EFCAB13: variants seen among roughly 807,000 people sequenced by gnomAD.
The protein encoded by EFCAB13 is EF-hand calcium binding domain 13, also known as EF-hand calcium-binding domain-containing protein 13.
Under a neutral mutation model 110.2 loss-of-function variants are expected in EFCAB13, and 91 were observed. The ratio of observed to expected loss-of-function variants is 0.83; its 90% CI spans 0.70 to 0.98. The LOEUF is 0.98. Among genes scored for constraint, EFCAB13 ranks in the 50% least tolerant of loss-of-function variants. The pLI is 0.00. For synonymous variants in EFCAB13, 323 were observed against 369.9 expected, an observed-to-expected ratio of 0.87 and a Z score of 1.45; for missense variants, 968 against 1,119.4, an observed-to-expected ratio of 0.86 and a Z score of 1.93.
At chr17:47,367,486 A>T (rs1440145915) in intron 10 of EFCAB13, among the ~76,000 whole-genome samples, 1 of 152,162 alleles carries the variant, frequency 6.6e-6, no homozygotes, top group Non-Finnish European at 1.5e-5. Flanking sequence ...TTTGGAGGGG[A>T]CGTAGGACGC....
chr17:47,378,730 T>A (rs1389380666), intron 13 of EFCAB13, among the ~76,000 whole-genome samples: 1 of 152,134 alleles, frequency 6.6e-6, no homozygotes, highest in Non-Finnish European at 1.5e-5. Context: ...GAGATAGAGA[T>A]GGGAATCCTT....
At position 47,347,033 on chromosome 17, in the gene EFCAB13, A is replaced by G. The variant is rs549464979; in HGVS notation, c.518-775A>G. On this transcript the variant is annotated intron_variant, in intron 8 of 24. Transcript: ENST00000331493. ...CAGCACTGCGGAAGGCCAATGTGGG[A>G]GGATCATTTGAGACTAGGAGTTCAA... 1.1e-4 allele frequency among the ~76,000 whole-genome samples: 17 copies of G among 152,300 alleles called. No individual in the cohort carries two copies. The East Asian group carries it at 3.3e-3, about 29-fold the overall frequency.
intron 14 of EFCAB13, among the ~76,000 whole-genome samples, chr17:47,387,005 A>G (rs1200124273): frequency 6.6e-6 from 1 of 152,078 alleles, no homozygotes; most frequent in Non-Finnish European, 1.5e-5. Context: ...TGAGCAGGGT[A>G]CGTCAGTTGG....
At chr17:47,364,077 A>C (rs2065531956) in intron 10 of EFCAB13, among the ~76,000 whole-genome samples, 2 of 151,954 alleles carry the variant, frequency 1.3e-5, no homozygotes, top group Non-Finnish European at 2.9e-5. Flanking sequence ...TTATTTGGGG[A>C]GGTATATTGG....
intron 23 of EFCAB13, among the ~76,000 whole-genome samples, chr17:47,422,502 TTATTA>T (rs767035618): frequency 1.9e-4 from 29 of 152,306 alleles, no homozygotes; most frequent in East Asian, 7.7e-4. Flanking sequence ...TATACACTGG[TTATTA>T]TATTATTTTA....
At chr17:47,378,001 A>C in intron 13 of EFCAB13, 98 bp downstream of exon 13, 1 of 1,066,760 alleles carries the variant, frequency 9.4e-7, no homozygotes, top group Non-Finnish European at 1.3e-6. Context: ...GAAATTAGGA[A>C]TGGGACAGAA....
chr17:47,413,078 T>C (rs549576038), intron 22 of EFCAB13, among the ~76,000 whole-genome samples, 162 bp downstream of exon 22: 12 of 152,210 alleles, frequency 7.9e-5, no homozygotes, highest in Non-Finnish European at 1.5e-4. Context: ...AATTTAAATA[T>C]TTATTGAACA....
chr17:47,375,705 C>CAATT (rs1598739941), intron 12 of EFCAB13, among the ~76,000 whole-genome samples: 1 of 152,158 alleles, frequency 6.6e-6, no homozygotes, highest in East Asian at 1.9e-4. Context: ...GAAACTTATT[C>CAATT]AGTGATTAAT....
intron 17 of EFCAB13, among the ~76,000 whole-genome samples, chr17:47,397,358 G>C (rs1369348880): frequency 6.6e-6 from 1 of 151,962 alleles, no homozygotes; most frequent in Non-Finnish European, 1.5e-5. Context: ...ATCTCGGCTC[G>C]CTACAACCTC....
chr17:47,427,875 T>A (rs1012409165), intron 23 of EFCAB13, among the ~76,000 whole-genome samples: 3 of 152,000 alleles, frequency 2.0e-5, no homozygotes, highest in Admixed American at 1.3e-4. Flanking sequence ...AGACAAAAAA[T>A]TTTTGTACGG....
At chr17:47,332,699 A>G (rs1046087457) in intron 4 of EFCAB13, among the ~76,000 whole-genome samples, 1 of 152,182 alleles carries the variant, frequency 6.6e-6, no homozygotes, top group Non-Finnish European at 1.5e-5. Context: ...TATTTTACTT[A>G]GCATAGTGTC....
chr17:47,379,559 GT>G (rs754100093), intron 14 of EFCAB13, among the ~76,000 whole-genome samples: 1 of 108,684 alleles, frequency 9.2e-6, no homozygotes, highest in Non-Finnish European at 2.1e-5. Context: ...GGGTGATATG[GT>G]TTGTTTTTTT....
intron 17 of EFCAB13, among the ~76,000 whole-genome samples, chr17:47,398,861 A>G (rs2065763420): frequency 6.6e-6 from 1 of 152,182 alleles, no homozygotes; most frequent in African/African-American, 2.4e-5. Flanking sequence ...AAATAAATAA[A>G]TAAATAAATA....
chr17:47,433,548 T>C (rs1905158716), intron 24 of EFCAB13, among the ~76,000 whole-genome samples: 1 of 152,186 alleles, frequency 6.6e-6, no homozygotes, highest in Non-Finnish European at 1.5e-5. Flanking sequence ...TGTGCAAGTA[T>C]TCTGTTTCTC....
At chr17:47,421,629 A>AAAG (rs1904717118) in intron 23 of EFCAB13, among the ~76,000 whole-genome samples, 2 of 89,470 alleles carry the variant, frequency 2.2e-5, no homozygotes, top group Admixed American at 2.0e-4. Context: ...AGCAATAAAA[A>AAAG]AAAGAAAGAA....
intron 9 of EFCAB13, among the ~76,000 whole-genome samples, chr17:47,351,566 C>T (rs1249562699): frequency 1.3e-5 from 2 of 152,010 alleles, no homozygotes; most frequent in Non-Finnish European, 2.9e-5. Flanking sequence ...CTCGTTTGGC[C>T]ATTTATATAT....
At chr17:47,437,124 G>A (rs916340688) in intron 24 of EFCAB13, among the ~76,000 whole-genome samples, 1 of 152,042 alleles carries the variant, frequency 6.6e-6, no homozygotes, top group African/African-American at 2.4e-5. Context: ...GCCAGAGAGA[G>A]TGCTTGATAT....
intron 11 of EFCAB13, among the ~76,000 whole-genome samples, chr17:47,371,030 G>A (rs866416568): frequency 2.7e-5 from 4 of 147,030 alleles, no homozygotes; most frequent in African/African-American, 7.5e-5. Flanking sequence ...GTGAGCCACC[G>A]CGTCTGGCTC....
At chr17:47,361,331 C>T in intron 9 of EFCAB13, 47 bp from the exon 10 acceptor site, 1 of 1,585,714 alleles carries the variant, frequency 6.3e-7, no homozygotes, top group Non-Finnish European at 8.6e-7. Flanking sequence ...ACTGCTTTTC[C>T]AAGAAAAGCT....
Sources: allele counts gnomAD v4.1 joint callset (sites outside exome capture counted in the v4.1 genomes callset), GRCh38; gene constraint gnomAD v4.1.1; transcripts MANE v1.5; gene names NCBI Gene and HGNC (gene_info 2026-07-23, HGNC 2026-07-21).